TSFM: variants seen among roughly 807,000 people sequenced by gnomAD.
TSFM encodes the protein elongation factor Ts, mitochondrial.
In TSFM, 29 loss-of-function variants were observed where a neutral mutation model predicts 33.4. That is an observed-to-expected ratio of 0.87 (90% CI 0.65 to 1.18). The LOEUF is 1.18. TSFM is among the 50% of genes most tolerant of loss of function. TSFM has a pLI of 0.00. For missense variants in TSFM, 394 were observed against 395.6 expected, an observed-to-expected ratio of 1.00 and a Z score of 0.04; for synonymous variants, 178 against 163.5, an observed-to-expected ratio of 1.09 and a Z score of -0.68.
downstream of TSFM, among the ~76,000 whole-genome samples, chr12:57,801,595 C>G (rs896303002): frequency 6.6e-6 from 1 of 152,106 alleles, no homozygotes; most frequent in Non-Finnish European, 1.5e-5. Flanking sequence ...GAAAAATTAG[C>G]TGGGCATGGT....
chr12:57,798,050 C>G (rs1955771426), downstream of TSFM: 2 of 1,387,620 alleles, frequency 1.4e-6, no homozygotes, highest in Admixed American at 4.2e-5. Flanking sequence ...TCATTGCCAA[C>G]AGAAGTTGAG....
intron 2 of TSFM, 115 bp from the exon 3 acceptor site, chr12:57,786,048 C>T: frequency 7.8e-7 from 1 of 1,284,480 alleles, no homozygotes; most frequent in South Asian, 1.7e-5. Flanking sequence ...TGATAGATTA[C>T]TTTAGTTTCT....
rs1290408644 is a variant in TSFM at position 57,796,284 on chromosome 12, C to G, written c.679C>G (p.His227Asp). The change falls in exon 6 of 6, where the codon CAC becomes GAC. Residue 227 changes from histidine to aspartate, a missense_variant. Physicochemically the swap from His to Asp is moderately conservative, Grantham distance 81. Coordinates refer to ENST00000652027, the MANE Select transcript of TSFM (RefSeq NM_005726.6). ...CGGAGCAATGCAGAGTCCCTCACTT[C>G]ACAAGCTGGTGCTGGGGAAGTATGG... ...VHGAMQSPSL[H>D]KLVLGKYGAL... The G allele has an allele frequency of 6.2e-7, 1 of 1,612,644 alleles. No homozygotes were observed. The highest frequency in any genetic ancestry group is 8.5e-7 in the Non-Finnish European group (1 of 1,179,328).
chr12:57,801,397 G>A (rs148470287), downstream of TSFM: 4 of 489,428 alleles, frequency 8.2e-6, no homozygotes, highest in East Asian at 3.7e-5. Flanking sequence ...TAAACATAAC[G>A]CACATTCTTT....
downstream of TSFM, chr12:57,801,064 T>C (rs1797427665): frequency 8.3e-7 from 1 of 1,205,586 alleles, no homozygotes; most frequent in South Asian, 1.3e-5. Flanking sequence ...GTTTTGCCTG[T>C]GAGCATCTGT....
chr12:57,787,434 A>G (rs1955605559), intron 4 of TSFM, among the ~76,000 whole-genome samples: 1 of 152,026 alleles, frequency 6.6e-6, no homozygotes, highest in African/African-American at 2.4e-5. Flanking sequence ...TGAGGCAGGG[A>G]ATTTGTCTTT....
chr12:57,784,247 G>A (rs1595135787), intron 2 of TSFM: 1 of 650,962 alleles, frequency 1.5e-6, no homozygotes, highest in Non-Finnish European at 2.8e-6. Context: ...ATCTCCATAG[G>A]GAACTTATCA....
At chr12:57,802,402 A>G (rs935919227), downstream of TSFM, 5 of 1,529,412 alleles carry the variant, frequency 3.3e-6, no homozygotes, top group African/African-American at 4.1e-5. Flanking sequence ...AGGACTAAGT[A>G]CTAGATCATA....
At chr12:57,802,034 G>A (rs1489370720), downstream of TSFM, 6 of 1,085,100 alleles carry the variant, frequency 5.5e-6, no homozygotes, top group Non-Finnish European at 7.8e-6. Context: ...GCAGGGAGTG[G>A]GATGGGAGTA....
intron 5 of TSFM, 36 bp downstream of exon 5, chr12:57,793,109 A>G (rs1267316211): frequency 1.3e-6 from 2 of 1,554,820 alleles, no homozygotes; most frequent in South Asian, 2.2e-5. Context: ...ACTGGAAATT[A>G]GGGACTGGAT....
intron 4 of TSFM, among the ~76,000 whole-genome samples, chr12:57,790,372 G>A (rs1200702305): frequency 6.6e-6 from 1 of 152,132 alleles, no homozygotes; most frequent in South Asian, 2.1e-4. Flanking sequence ...CTGGCCAGGT[G>A]TGCTGATTTC....
intron 2 of TSFM, 87 bp downstream of exon 2, chr12:57,783,370 C>A: frequency 6.6e-7 from 1 of 1,504,228 alleles, no homozygotes; most frequent in South Asian, 1.1e-5. Context: ...TAAAGTTAGA[C>A]TGCTCTTCAG....
At position 57,785,808 on chromosome 12, in the gene TSFM, A is replaced by T. The variant is rs549903756; in HGVS notation, c.232-355A>T. On this transcript the variant is annotated intron_variant, in intron 2 of 5. Coordinates refer to ENST00000652027, the MANE Select transcript of TSFM (RefSeq NM_005726.6). ...TAATATGTTGCCCTACAATGTTAGG[A>T]GGACTACCGTGTCACTAGACAATAG... 5.9e-5 allele frequency among the ~76,000 whole-genome samples: 9 copies of T among 152,330 alleles called. No homozygotes were observed. In the East Asian group the frequency reaches 1.7e-3, roughly 29 times the overall value.
At chr12:57,784,822 G>A (rs1565820588) in intron 2 of TSFM, among the ~76,000 whole-genome samples, 1 of 151,264 alleles carries the variant, frequency 6.6e-6, no homozygotes, top group East Asian at 1.9e-4. Context: ...GGAGGTTGTG[G>A]TGAGCCGAGA....
rs182789999 is a variant in TSFM, at chr12:57,795,245, T to A, written c.572-932T>A. 2.8e-4 allele frequency among the ~76,000 whole-genome samples: 42 copies of A among 151,216 alleles called. No homozygotes were observed. The East Asian group carries it at 7.6e-3, about 28-fold the overall frequency. On this transcript the variant is annotated intron_variant, in intron 5 of 5. Coordinates refer to ENST00000652027, the MANE Select transcript of TSFM (RefSeq NM_005726.6). The stretch of plus-strand genomic sequence containing the variant: ...TCCCGAGTAGCTGGGATTACAGGCA[T>A]GTGCCACCATGCCTGGCTAATTTTT...
In TSFM at chr12:57,793,060, G is replaced by A. The variant is rs1456682583; in HGVS notation, c.558G>A (p.Leu186=). 6.2e-7 allele frequency: 1 copy of A among 1,613,244 alleles called. No homozygotes were observed. The highest frequency in any genetic ancestry group is 8.5e-7 in the Non-Finnish European group (1 of 1,179,576). Residue 186 remains leucine, a synonymous_variant, in exon 5 of 6, where the codon TTG becomes TTA. Transcript: ENST00000652027. ...PDREGSLKDQ[L]ALAIGKLGEN... The stretch of plus-strand genomic sequence containing the variant: ...GAGAAGGCTCACTCAAGGATCAGTT[G>A]GCTTTAGCAATTGGTGAGTATTTGT...
At chr12:57,801,351 C>T, downstream of TSFM, 1 of 658,560 alleles carries the variant, frequency 1.5e-6, no homozygotes, top group Non-Finnish European at 2.6e-6. Flanking sequence ...AAATGAAAAT[C>T]CCCCCTTTTG....
chr12:57,795,527 C>T (rs1211302909), intron 5 of TSFM, among the ~76,000 whole-genome samples: 1 of 152,142 alleles, frequency 6.6e-6, no homozygotes, highest in Non-Finnish European at 1.5e-5. Context: ...GAGTCACTTG[C>T]CCGAGGTCAT....
chr12:57,783,804 T>TA, intron 2 of TSFM: 1 of 615,974 alleles, frequency 1.6e-6, no homozygotes, highest in Non-Finnish European at 2.9e-6. Context: ...TTAGTAGAGA[T>TA]GGGGTTTCGC....
Sources: gnomAD v4.1 joint callset for allele counts (sites outside exome capture counted in the v4.1 genomes callset) on GRCh38, gnomAD v4.1.1 for gene constraint, MANE v1.5 for transcripts, NCBI Gene and HGNC (gene_info 2026-07-23, HGNC 2026-07-21) for gene names.